Variants in RNF217 observed in about 807,000 individuals in gnomAD.
RNF217 encodes ring finger protein 217.
Under a neutral mutation model 57.8 loss-of-function variants are expected in RNF217, and 31 were observed. The ratio of observed to expected loss-of-function variants is 0.54; its 90% CI spans 0.40 to 0.72. RNF217 has a LOEUF of 0.72. RNF217 is among the 30% of genes least tolerant of loss of function. RNF217 has a pLI of 0.00. For synonymous variants in RNF217, 313 were observed against 294.0 expected (o/e 1.06, Z -0.66); for missense variants, 696 against 708.3 (o/e 0.98, Z 0.20).
chr6:124,992,821 A>G (rs576573579), intron 1 of RNF217, among the ~76,000 whole-genome samples: 7 of 152,230 alleles, frequency 4.6e-5, no homozygotes, highest in Admixed American at 4.6e-4. Context: ...AATGTAATAA[A>G]TTTACTTTAA....
chr6:125,074,289 G>A (rs1163082615), intron 3 of RNF217, among the ~76,000 whole-genome samples: 1 of 142,294 alleles, frequency 7.0e-6, no homozygotes, highest in Non-Finnish European at 1.5e-5. Flanking sequence ...TCGGTAGACA[G>A]AAGATAGGTA....
chr6:125,084,664 A>G lies in RNF217; in HGVS notation c.*1727A>G, dbSNP rs1278384404. On this transcript the variant is annotated 3_prime_UTR_variant, in exon 6 of 6. Transcript: ENST00000521654. ...ATCCAGCATGCTTTCATTCTTTCTG[A>G]ATAACACAGAATAACTGTGCTACAG... 14 of 152,160 alleles carry G rather than the reference A, an allele frequency of 9.2e-5. No individual in the cohort carries two copies. Among genetic ancestry groups the G allele is most frequent in the African/African-American group, 3.4e-4 (14 of 41,562 alleles). The allele number at this position is 152,160 out of a possible 1,614,324, so 9.4% of individuals were successfully genotyped here. A position where few individuals can be genotyped will look rare whatever the true frequency, so the allele number is the denominator to read the frequency against.
chr6:125,008,394 T>C (rs1463620502), intron 1 of RNF217, among the ~76,000 whole-genome samples: 1 of 152,200 alleles, frequency 6.6e-6, no homozygotes, highest in Non-Finnish European at 1.5e-5. Context: ...ACTTCTGTAC[T>C]TAGAAAGAAG....
At chr6:125,079,468 CAGAATTGA>C (rs1788497685) in intron 4 of RNF217, among the ~76,000 whole-genome samples, 2 of 150,616 alleles carry the variant, frequency 1.3e-5, no homozygotes, top group Non-Finnish European at 3.0e-5. Flanking sequence ...AGCCTGGAGC[CAGAATTGA>C]AGAAATACAA....
rs1437162597 is a variant in RNF217, at chr6:125,084,228, CTT to C, written c.*1295_*1296del. The C allele has an allele frequency of 1.3e-5, 2 of 151,780 alleles. No individual in the cohort carries two copies. The highest frequency in any genetic ancestry group is 3.9e-4 in the East Asian group (2 of 5,190). The allele number at this position is 151,780 out of a possible 1,614,324, so 9.4% of individuals were successfully genotyped here. ...ACCTTCTTATGGAGGAGTTTGAAAA[CTT>C]TTTATGTTCTTGAGTTTGTCCAATA... On this transcript the variant is annotated 3_prime_UTR_variant, in exon 6 of 6. Coordinates refer to ENST00000521654, the MANE Select transcript of RNF217 (RefSeq NM_001286398.3).
At position 125,029,463 on chromosome 6, in the gene RNF217, A is replaced by G. The variant is rs536175978; in HGVS notation, c.883-15748A>G. Among the ~76,000 whole-genome samples, 8 of 152,320 alleles carry G rather than the reference A, an allele frequency of 5.3e-5. No homozygotes were observed. The Middle Eastern group carries it at 0.017, about 324-fold the overall frequency. Reference sequence around the variant, plus strand: ...AATTATTTCTTTCTTTATTGAATCTAAAAACTCCAGGTAATGAACAGACCA... The same window carrying G: ...AATTATTTCTTTCTTTATTGAATCTGAAAACTCCAGGTAATGAACAGACCA... On this transcript the variant is annotated intron_variant, in intron 1 of 5. Coordinates refer to ENST00000521654, the MANE Select transcript of RNF217 (RefSeq NM_001286398.3).
chr6:125,029,492 G>A (rs556641553), intron 1 of RNF217, among the ~76,000 whole-genome samples: 3 of 152,084 alleles, frequency 2.0e-5, no homozygotes, highest in Admixed American at 1.3e-4. Flanking sequence ...CAGACCATTC[G>A]TAGAACTGGG....
At chr6:125,002,944 G>A (rs1368652509) in intron 1 of RNF217, among the ~76,000 whole-genome samples, 1 of 152,100 alleles carries the variant, frequency 6.6e-6, no homozygotes, top group Non-Finnish European at 1.5e-5. Flanking sequence ...AGAGCAACCA[G>A]GATGCTATGG....
At chr6:124,997,149 G>T (rs750668845) in intron 1 of RNF217, among the ~76,000 whole-genome samples, 16 of 152,164 alleles carry the variant, frequency 1.1e-4, no homozygotes, top group Non-Finnish European at 2.4e-4. Context: ...GAGAATTTCT[G>T]TTTTGACCAG....
intron 1 of RNF217, among the ~76,000 whole-genome samples, chr6:124,990,276 T>C (rs1197516287): frequency 6.6e-6 from 1 of 152,230 alleles, no homozygotes; most frequent in African/African-American, 2.4e-5. Context: ...CTTCTCTATG[T>C]ATGCTCACTA....
chr6:124,996,253 C>A (rs1287283829), intron 1 of RNF217, among the ~76,000 whole-genome samples: 1 of 151,910 alleles, frequency 6.6e-6, no homozygotes, highest in Non-Finnish European at 1.5e-5. Flanking sequence ...GTGTTCATTA[C>A]CCTCATTTAT....
At chr6:125,003,496 G>A (rs765016868) in intron 1 of RNF217, among the ~76,000 whole-genome samples, 4 of 152,172 alleles carry the variant, frequency 2.6e-5, no homozygotes, top group African/African-American at 4.8e-5. Context: ...TATCATCATC[G>A]TCATCCAAAG....
chr6:125,046,794 T>G lies in RNF217; in HGVS notation c.1116+1350T>G. On this transcript the variant is annotated intron_variant, in intron 2 of 5. Transcript: ENST00000521654. Reference sequence around the variant, plus strand: ...TATAAGCTACAGTATTGTAGGTTAGTCAAAGCTTCTTCATGAGTCGTTGTT... The same window carrying G: ...TATAAGCTACAGTATTGTAGGTTAGGCAAAGCTTCTTCATGAGTCGTTGTT... 3 of 358,646 alleles carry G rather than the reference T, an allele frequency of 8.4e-6. No homozygotes were observed. The Admixed American group carries it at 1.1e-4, about 13-fold the overall frequency. The allele number at this position is 358,646 out of a possible 1,614,324, so 22.2% of individuals were successfully genotyped here. A position where few individuals can be genotyped will look rare whatever the true frequency, so the allele number is the denominator to read the frequency against.
At chr6:125,004,931 T>C (rs1215553780) in intron 1 of RNF217, among the ~76,000 whole-genome samples, 2 of 152,160 alleles carry the variant, frequency 1.3e-5, no homozygotes, top group Admixed American at 6.5e-5. Context: ...GAAAAGAGAT[T>C]GATTTGGCTT....
intron 1 of RNF217, among the ~76,000 whole-genome samples, chr6:124,970,100 G>C (rs573999539): frequency 6.6e-6 from 1 of 152,272 alleles, no homozygotes; most frequent in East Asian, 1.9e-4. Context: ...AGTGGGGAAA[G>C]CTGGTCGGGC....
intron 1 of RNF217, among the ~76,000 whole-genome samples, chr6:125,010,423 T>A (rs893723229): frequency 4.6e-5 from 7 of 152,202 alleles, no homozygotes; most frequent in African/African-American, 1.7e-4. Context: ...ATAAGATATC[T>A]GCCTTACTGT....
chr6:125,082,986 CA>C lies in RNF217; in HGVS notation c.*52del, dbSNP rs983382869. ...AAGCTGGTTGGAGTAGGAGCGATAC[CA>C]AAGGGTACACCCATCTGTGAGTCAC... On this transcript the variant is annotated 3_prime_UTR_variant, in exon 6 of 6. Coordinates refer to ENST00000521654, the MANE Select transcript of RNF217 (RefSeq NM_001286398.3). 5 of 1,283,820 alleles carry C rather than the reference CA, an allele frequency of 3.9e-6. No individual in the cohort carries two copies. The South Asian group carries it at 6.7e-5, about 17-fold the overall frequency. 79.5% of individuals were successfully genotyped at this position (1,283,820 alleles called of 1,614,324 possible). A position where few individuals can be genotyped will look rare whatever the true frequency, so the allele number is the denominator to read the frequency against.
At chr6:124,990,405 T>C (rs1432198570) in intron 1 of RNF217, among the ~76,000 whole-genome samples, 1 of 152,220 alleles carries the variant, frequency 6.6e-6, no homozygotes, top group East Asian at 1.9e-4. Context: ...ATCTATGTAA[T>C]ATATCTGCAA....
Position 124,982,599 on chromosome 6 carries a change from A to T in RNF217, c.882+19173A>T, listed in dbSNP as rs114898631. On this transcript the variant is annotated intron_variant, in intron 1 of 5. Coordinates refer to ENST00000521654, the MANE Select transcript of RNF217 (RefSeq NM_001286398.3). ...AACACATTTTACATAATAACTTATAATCATTGCCGTTTTATAGATCATTTA... is the reference window on the plus strand; with the variant it reads ...AACACATTTTACATAATAACTTATATTCATTGCCGTTTTATAGATCATTTA... Among the ~76,000 whole-genome samples, 359 of 152,262 alleles carry T rather than the reference A, an allele frequency of 2.4e-3. 1 individual carries two copies. Among genetic ancestry groups the T allele is most frequent in the African/African-American group, 8.1e-3 (336 of 41,554 alleles).
Sources: allele counts gnomAD v4.1 joint callset (sites outside exome capture counted in the v4.1 genomes callset), GRCh38; gene constraint gnomAD v4.1.1; transcripts MANE v1.5; gene names NCBI Gene and HGNC (gene_info 2026-07-23, HGNC 2026-07-21).